KSR2: variants seen among roughly 807,000 people sequenced by gnomAD.
KSR2 encodes the protein kinase suppressor of ras 2.
Under a neutral mutation model 107.8 loss-of-function variants are expected in KSR2, and 25 were observed. The observed-to-expected ratio is 0.23, with a 90% confidence interval of 0.17 to 0.32. KSR2 has a LOEUF of 0.32. Ranked by LOEUF, KSR2 falls within the 10% of genes least tolerant of loss-of-function variation. The probability of loss-of-function intolerance (pLI) is 1.00; values close to 1 mark genes in which losing one functional copy is unlikely to be tolerated. For missense variants in KSR2, 887 were observed against 1,268.9 expected (o/e 0.70, Z 4.57); for synonymous variants, 480 against 507.0 (o/e 0.95, Z 0.71).
intron 3 of KSR2, among the ~76,000 whole-genome samples, chr12:117,773,030 C>T (rs1398076260): frequency 1.3e-5 from 2 of 152,218 alleles, no homozygotes; most frequent in Non-Finnish European, 2.9e-5. Context: ...AAATTACCGG[C>T]TTCTAAATTG....
At chr12:117,647,489 G>T (rs116441450) in intron 5 of KSR2, among the ~76,000 whole-genome samples, 3 of 152,152 alleles carry the variant, frequency 2.0e-5, no homozygotes, top group Non-Finnish European at 4.4e-5. Flanking sequence ...GCTGTGGCAC[G>T]TCCACGCAAG....
chr12:117,471,031 T>C (rs1270044458), intron 18 of KSR2, among the ~76,000 whole-genome samples, 160 bp downstream of exon 18: 1 of 152,212 alleles, frequency 6.6e-6, no homozygotes, highest in Non-Finnish European at 1.5e-5. Flanking sequence ...CAGCCTTGCC[T>C]TTTAAGCTTC....
At chr12:117,614,123 T>C (rs1337266920) in intron 5 of KSR2, among the ~76,000 whole-genome samples, 2 of 152,156 alleles carry the variant, frequency 1.3e-5, no homozygotes, top group Middle Eastern at 3.2e-3. Flanking sequence ...TACTAAAAAA[T>C]ATATTTAATA....
At chr12:117,507,161 G>A (rs1443489122) in intron 14 of KSR2, among the ~76,000 whole-genome samples, 1 of 152,150 alleles carries the variant, frequency 6.6e-6, no homozygotes, top group Non-Finnish European at 1.5e-5. Context: ...TTAATCTACT[G>A]CCTGAACTCT....
At chr12:117,893,624 C>A (rs1261081179) in intron 1 of KSR2, among the ~76,000 whole-genome samples, 1 of 152,170 alleles carries the variant, frequency 6.6e-6, no homozygotes, top group Non-Finnish European at 1.5e-5. Flanking sequence ...TTCTAACACC[C>A]ACTCCAAATG....
intron 1 of KSR2, among the ~76,000 whole-genome samples, chr12:117,951,472 A>G (rs150374876): frequency 2.6e-5 from 4 of 152,314 alleles, no homozygotes; most frequent in East Asian, 3.9e-4. Context: ...ATCCTGACCA[A>G]GGATCATCCC....
chr12:117,658,598 A>G (rs975756202), intron 5 of KSR2, among the ~76,000 whole-genome samples: 3 of 152,190 alleles, frequency 2.0e-5, no homozygotes, highest in Non-Finnish European at 1.5e-5. Flanking sequence ...CTGGCCTTTT[A>G]CAGAAAAAGG....
At chr12:117,805,412 G>A (rs957322370) in intron 3 of KSR2, among the ~76,000 whole-genome samples, 2 of 152,184 alleles carry the variant, frequency 1.3e-5, no homozygotes, top group African/African-American at 4.8e-5. Context: ...ATAAACGTGG[G>A]CAAGTTACTG....
At chr12:117,639,496 A>C (rs1308705968) in intron 5 of KSR2, among the ~76,000 whole-genome samples, 3 of 150,914 alleles carry the variant, frequency 2.0e-5, no homozygotes, top group Admixed American at 6.6e-5. Flanking sequence ...TGCCCGGCTA[A>C]TTTTTGTATT....
intron 5 of KSR2, among the ~76,000 whole-genome samples, chr12:117,643,522 A>AAT (rs1367915701): frequency 6.6e-6 from 1 of 152,246 alleles, no homozygotes; most frequent in African/African-American, 2.4e-5. Context: ...AAAGACATTT[A>AAT]ACACCAAAAA....
At chr12:117,480,537 T>C (rs1243784285) in intron 16 of KSR2, among the ~76,000 whole-genome samples, 1 of 152,192 alleles carries the variant, frequency 6.6e-6, no homozygotes, top group Non-Finnish European at 1.5e-5. Context: ...TGCTGGGGTC[T>C]GTCTGGATGT....
At chr12:117,547,176 C>T (rs1264454701) in intron 9 of KSR2, among the ~76,000 whole-genome samples, 1 of 152,170 alleles carries the variant, frequency 6.6e-6, no homozygotes, top group Non-Finnish European at 1.5e-5. Context: ...GGAGGTACTG[C>T]CTTGCTATTG....
At chr12:117,789,265 A>C (rs1393646258) in intron 3 of KSR2, among the ~76,000 whole-genome samples, 1 of 152,230 alleles carries the variant, frequency 6.6e-6, no homozygotes, top group African/African-American at 2.4e-5. Context: ...TCTGATCCTT[A>C]ATGAAGTAGA....
intron 13 of KSR2, among the ~76,000 whole-genome samples, chr12:117,525,494 G>A (rs371470117): frequency 1.3e-5 from 2 of 152,106 alleles, no homozygotes; most frequent in East Asian, 1.9e-4. Context: ...TATAGGGATC[G>A]CCCATTCTAG....
chr12:117,731,526 C>G, intron 4 of KSR2, among the ~76,000 whole-genome samples: 1 of 152,210 alleles, frequency 6.6e-6, no homozygotes, highest in East Asian at 1.9e-4. Flanking sequence ...GCCACCCCGT[C>G]TGGGAGGGGT....
intron 1 of KSR2, among the ~76,000 whole-genome samples, chr12:117,917,085 A>G (rs1324525194): frequency 6.6e-6 from 1 of 152,222 alleles, no homozygotes; most frequent in Non-Finnish European, 1.5e-5. Context: ...AGATGCTAGT[A>G]GCACACCATC....
rs182137134 is a variant in KSR2 at position 117,626,135 on chromosome 12, T to C, written c.1171+41339A>G. On this transcript the variant is annotated intron_variant, in intron 5 of 19. Coordinates refer to ENST00000339824, the MANE Select transcript of KSR2 (RefSeq NM_173598.6). ...CTTGCTAGCAGTCTATCTATTTTGT[T>C]GATCTTTTCAAAAAACCAGCTCCTA... is the stretch of plus-strand genomic sequence containing the variant. Among the ~76,000 whole-genome samples the C allele has an allele frequency of 3.3e-3, 499 of 152,362 alleles. 2 individuals carry two copies. Among genetic ancestry groups the C allele is most frequent in the Admixed American group, 7.2e-3 (110 of 15,304 alleles).
chr12:117,672,442 T>C (rs1468805375), intron 4 of KSR2, among the ~76,000 whole-genome samples: 1 of 152,090 alleles, frequency 6.6e-6, no homozygotes, highest in African/African-American at 2.4e-5. Flanking sequence ...CAGAAGGCTA[T>C]TGTGAGAATT....
chr12:117,618,007 G>C (rs1374078013), intron 5 of KSR2, among the ~76,000 whole-genome samples: 1 of 152,144 alleles, frequency 6.6e-6, no homozygotes, highest in Non-Finnish European at 1.5e-5. Flanking sequence ...TCTGATTTTT[G>C]CTCCTGGTTT....
Sources: allele counts gnomAD v4.1 joint callset (sites outside exome capture counted in the v4.1 genomes callset), GRCh38; gene constraint gnomAD v4.1.1; transcripts MANE v1.5; gene names NCBI Gene and HGNC (gene_info 2026-07-23, HGNC 2026-07-21).